Variants in COG7 observed in about 807,000 individuals in gnomAD.
COG7 encodes the protein component of oligomeric golgi complex 7, also known as conserved oligomeric Golgi complex subunit 7.
A neutral mutation model predicts 91.5 loss-of-function variants in COG7; 49 were observed. The ratio of observed to expected loss-of-function variants is 0.54; its 90% CI spans 0.43 to 0.68. The LOEUF is 0.68. COG7 is among the 30% of genes least tolerant of loss of function. The pLI, the probability that COG7 is intolerant of heterozygous loss-of-function variation, is 0.00. For synonymous variants in COG7, 365 were observed against 388.7 expected (o/e 0.94, Z 0.72); for missense variants, 895 against 961.3 (o/e 0.93, Z 0.91).
At position 23,403,709 on chromosome 16, in the gene COG7, A is replaced by C; in HGVS notation, c.1788T>G (p.Leu596=). 1 of 1,614,116 alleles carries C rather than the reference A, an allele frequency of 6.2e-7. No individual in the cohort carries two copies. Residue 596 remains leucine, a synonymous_variant, in exon 13 of 17, where the codon CTT becomes CTG. Transcript: ENST00000307149. ...VFLRIKQQLL[L]ISKMDSWNTA... ...AGAAACTCACGTCCATCTTCGAAATAAGCAACAGCTGTTGTTTGATGCGCA... is the reference window on the plus strand; with the variant it reads ...AGAAACTCACGTCCATCTTCGAAATCAGCAACAGCTGTTGTTTGATGCGCA...
rs752030445 is a variant in COG7, at chr16:23,389,042, G to C, written c.2191C>G (p.Arg731Gly). The change falls in exon 17 of 17, where the codon CGC becomes GGC. Residue 731 changes from arginine (R) to glycine (G), a missense_variant. Transcript: ENST00000307149. Reference protein sequence around the residue: ...VMDALGLQPSRTLQHIVTLLK... With the variant: ...VMDALGLQPSGTLQHIVTLLK... Reference sequence around the variant, plus strand: ...AGCGTCACGATGTGCTGGAGGGTGCGGGACGGCTGCAGGCCCAGGGCATCC... The same window carrying C: ...AGCGTCACGATGTGCTGGAGGGTGCCGGACGGCTGCAGGCCCAGGGCATCC... 6.2e-7 allele frequency: 1 copy of C among 1,614,042 alleles called. No individual in the cohort carries two copies. The highest frequency in any genetic ancestry group is 8.5e-7 in the Non-Finnish European group (1 of 1,180,012).
At chr16:23,433,046 G>A (rs1172196107) in intron 6 of COG7, among the ~76,000 whole-genome samples, 4 of 152,150 alleles carry the variant, frequency 2.6e-5, no homozygotes, top group Admixed American at 6.5e-5. Flanking sequence ...TTTCACTGAC[G>A]TGGATTTCTA....
intron 6 of COG7, among the ~76,000 whole-genome samples, chr16:23,428,344 G>A (rs1004591896): frequency 2.6e-5 from 4 of 151,526 alleles, no homozygotes; most frequent in Admixed American, 1.3e-4. Flanking sequence ...GCAAGACTCT[G>A]TCTCAAAAAA....
Position 23,403,735 on chromosome 16 carries a change from G to A in COG7, c.1762C>T (p.Leu588=). Residue 588 remains leucine (L), a synonymous_variant, in exon 13 of 17, where the codon CTG becomes TTG. Coordinates refer to ENST00000307149, the MANE Select transcript of COG7 (RefSeq NM_153603.4). ...AHQLAFDSVF[L]RIKQQLLLIS... ...AGCAACAGCTGTTGTTTGATGCGCA[G>A]GAACACGGAATCGAAAGCCAGCTGG... 6.2e-7 allele frequency: 1 copy of A among 1,614,180 alleles called. No individual in the cohort carries two copies. Among genetic ancestry groups the A allele is most frequent in the Non-Finnish European group, 8.5e-7 (1 of 1,180,026 alleles).
At chr16:23,399,714 A>G (rs1963344142) in intron 13 of COG7, among the ~76,000 whole-genome samples, 1 of 152,190 alleles carries the variant, frequency 6.6e-6, no homozygotes, top group Admixed American at 6.5e-5. Flanking sequence ...ACAGAGGCAG[A>G]CAGAGGCTGG....
chr16:23,406,302 G>T (rs1963461129), intron 11 of COG7, 40 bp from the exon 12 acceptor site: 2 of 1,543,594 alleles, frequency 1.3e-6, no homozygotes, highest in Non-Finnish European at 1.8e-6. Context: ...TGAGCTATTT[G>T]CATGGAACTT....
At chr16:23,409,099 G>GCGTGCA (rs1963520538) in intron 11 of COG7, among the ~76,000 whole-genome samples, 1 of 139,414 alleles carries the variant, frequency 7.2e-6, no homozygotes, top group Non-Finnish European at 1.7e-5. Flanking sequence ...GCGTGCATGT[G>GCGTGCA]TGTGTGTGTG....
intron 10 of COG7, among the ~76,000 whole-genome samples, chr16:23,412,201 G>GT (rs952302650): frequency 2.0e-5 from 3 of 152,070 alleles, no homozygotes; most frequent in African/African-American, 7.2e-5. Flanking sequence ...CTGTTGTATG[G>GT]TGCTTCTCTT....
chr16:23,401,758 A>AG (rs1471540055), intron 13 of COG7, among the ~76,000 whole-genome samples: 1 of 146,622 alleles, frequency 6.8e-6, no homozygotes, highest in African/African-American at 2.5e-5. Flanking sequence ...TTTCGTGGAG[A>AG]AAAAAAAAAA....
At chr16:23,410,419 C>A (rs1963543991) in intron 10 of COG7, 59 bp from the exon 11 acceptor site, 1 of 1,364,800 alleles carries the variant, frequency 7.3e-7, no homozygotes, top group Admixed American at 1.8e-5. Context: ...CTTTACAGGA[C>A]AAACATTGTC....
chr16:23,401,344 C>T (rs1018687064), intron 13 of COG7, among the ~76,000 whole-genome samples: 47 of 152,252 alleles, frequency 3.1e-4, no homozygotes, highest in African/African-American at 9.4e-4. Flanking sequence ...CAAGGGGCCA[C>T]GGTGCTGTGG....
chr16:23,406,204 C>A lies in COG7; in HGVS notation c.1534G>T (p.Gly512Cys). ...TCTGTCAAGATGCTCTCCTGAAAAC[C>A]AGCCAGGCTCCGGGGGCTGCAGGAA... ...SDSCSPRSLA[G>C]FQESILTDKK... The change falls in exon 12 of 17, where the codon GGT becomes TGT. Residue 512 changes from glycine (G) to cysteine (C), a missense_variant. Coordinates refer to ENST00000307149, the MANE Select transcript of COG7 (RefSeq NM_153603.4). The A allele has an allele frequency of 6.2e-7, 1 of 1,614,130 alleles. No individual in the cohort carries two copies. Among genetic ancestry groups the A allele is most frequent in the Non-Finnish European group, 8.5e-7 (1 of 1,180,026 alleles).
chr16:23,395,383 C>A lies in COG7; in HGVS notation c.1888-2036G>T, dbSNP rs183316650. Among the ~76,000 whole-genome samples, 876 of 152,318 alleles carry A rather than the reference C, an allele frequency of 5.8e-3. 11 individuals are homozygous for A. Among genetic ancestry groups the A allele is most frequent in the African/African-American group, 0.02 (842 of 41,566 alleles). ...CCTGAACACCTACTACGTACAAAGA[C>A]CCCAGACATACTCCTATATTTGGTA... On this transcript the variant is annotated intron_variant, in intron 14 of 16. Coordinates refer to ENST00000307149, the MANE Select transcript of COG7 (RefSeq NM_153603.4).
rs1270729764 is a variant in COG7 at position 23,453,144 on chromosome 16, C to T, written c.-150G>A. 7.6e-6 allele frequency: 11 copies of T among 1,443,628 alleles called. No individual in the cohort carries two copies. The East Asian group carries it at 2.0e-4, about 26-fold the overall frequency. 89.4% of individuals were successfully genotyped at this position (1,443,628 alleles called of 1,614,324 possible). A position where few individuals can be genotyped will look rare whatever the true frequency, so the allele number is the denominator to read the frequency against. Reference sequence around the variant, plus strand: ...CCAGGACGGGTAACTTGCCCCTTTGCGCTTCCCCGCTCAGCGCACTCAGTT... The same window carrying T: ...CCAGGACGGGTAACTTGCCCCTTTGTGCTTCCCCGCTCAGCGCACTCAGTT... On this transcript the variant is annotated 5_prime_UTR_variant, in exon 1 of 17. Transcript: ENST00000307149.
chr16:23,416,154 T>A (rs1017388523), intron 9 of COG7: 3 of 152,322 alleles, frequency 2.0e-5, no homozygotes, highest in Admixed American at 2.0e-4. Flanking sequence ...CTCAGCCTCC[T>A]GAGCAGCTGG....
At chr16:23,421,114 A>C (rs918492593) in intron 7 of COG7, among the ~76,000 whole-genome samples, 10 of 151,350 alleles carry the variant, frequency 6.6e-5, no homozygotes, top group South Asian at 2.1e-4. Flanking sequence ...TTTTTCCTAG[A>C]TTTTTCTATA....
chr16:23,419,383 C>T lies in COG7; in HGVS notation c.1010-556G>A, dbSNP rs140999069. On this transcript the variant is annotated intron_variant, in intron 7 of 16. Transcript: ENST00000307149. ...CTGAGATCACACCATTGCATTCCAG[C>T]CTGGGCAACAAGAGCGAGACTCCAT... is the stretch of plus-strand genomic sequence containing the variant. Among the ~76,000 whole-genome samples, 596 of 149,594 alleles carry T rather than the reference C, an allele frequency of 4.0e-3. 4 individuals carry two copies. Among genetic ancestry groups the T allele is most frequent in the Middle Eastern group, 6.8e-3 (2 of 294 alleles).
intron 7 of COG7, among the ~76,000 whole-genome samples, chr16:23,420,828 TG>T (rs1289542072): frequency 2.0e-5 from 3 of 151,996 alleles, no homozygotes; most frequent in African/African-American, 7.3e-5. Context: ...ACCATTGCCT[TG>T]GCCTCCCAGG....
At chr16:23,450,809 T>G (rs891822582) in intron 1 of COG7, among the ~76,000 whole-genome samples, 3 of 150,468 alleles carry the variant, frequency 2.0e-5, no homozygotes, top group African/African-American at 7.3e-5. Context: ...GTAGCCTGGG[T>G]GACAAAGTGA....
Sources: allele counts gnomAD v4.1 joint callset (sites outside exome capture counted in the v4.1 genomes callset), GRCh38; gene constraint gnomAD v4.1.1; transcripts MANE v1.5; gene names NCBI Gene and HGNC (gene_info 2026-07-23, HGNC 2026-07-21).